SPECC1L: variants seen among roughly 807,000 people sequenced by gnomAD.
SPECC1L encodes cytospin-A.
Under a neutral mutation model 116.8 loss-of-function variants are expected in SPECC1L, and 40 were observed. The ratio of observed to expected loss-of-function variants is 0.34; its 90% CI spans 0.27 to 0.45. The LOEUF (loss-of-function observed/expected upper bound fraction) is 0.45, where lower values mean the gene tolerates loss of function less well. Among genes scored for constraint, SPECC1L ranks in the 20% least tolerant of loss-of-function variants. The pLI, the probability that SPECC1L is intolerant of heterozygous loss-of-function variation, is 1.00. For synonymous variants in SPECC1L, 504 were observed against 500.6 expected (o/e 1.01, Z -0.09); for missense variants, 1,110 against 1,373.6 (o/e 0.81, Z 3.03).
chr22:24,377,724 A>G (rs1273687195), intron 14 of SPECC1L, among the ~76,000 whole-genome samples: 1 of 152,228 alleles, frequency 6.6e-6, no homozygotes, highest in Admixed American at 6.5e-5. Context: ...TATCATCATT[A>G]GAGCTCCTGG....
intron 4 of SPECC1L, among the ~76,000 whole-genome samples, chr22:24,316,935 G>C (rs1393881702): frequency 8.4e-6 from 1 of 119,290 alleles, no homozygotes; most frequent in Non-Finnish European, 1.9e-5. Flanking sequence ...CCTCCCAGAC[G>C]GGGCGGCTGG....
chr22:24,312,063 G>A lies in SPECC1L; in HGVS notation c.154-1250G>A, dbSNP rs530410987. On this transcript the variant is annotated intron_variant, in intron 3 of 16. Coordinates refer to ENST00000314328, the MANE Select transcript of SPECC1L (RefSeq NM_015330.6). Reference sequence around the variant, plus strand: ...AGCTCAGTGCAGCTTTGACCTCCCGGGCTCAAGCGATCCTCTCACTTCAAC... The same window carrying A: ...AGCTCAGTGCAGCTTTGACCTCCCGAGCTCAAGCGATCCTCTCACTTCAAC... Among the ~76,000 whole-genome samples, 16 of 151,984 alleles carry A rather than the reference G, an allele frequency of 1.1e-4. 1 individual carries two copies. Among genetic ancestry groups the A allele is most frequent in the Non-Finnish European group, 1.0e-4 (7 of 68,016 alleles).
At chr22:24,375,617 G>A (rs1486872890) in intron 14 of SPECC1L, among the ~76,000 whole-genome samples, 1 of 152,128 alleles carries the variant, frequency 6.6e-6, no homozygotes, top group Non-Finnish European at 1.5e-5. Flanking sequence ...TTAAAAACTA[G>A]GAATAAAAGG....
chr22:24,272,893 G>A (rs2048757981), intron 1 of SPECC1L, among the ~76,000 whole-genome samples: 1 of 152,152 alleles, frequency 6.6e-6, no homozygotes, highest in Admixed American at 6.5e-5. Context: ...GATAGCTGGA[G>A]AATGCTTCCT....
At chr22:24,359,621 C>T (rs551604557) in intron 11 of SPECC1L, among the ~76,000 whole-genome samples, 75 of 152,008 alleles carry the variant, frequency 4.9e-4, no homozygotes, top group Non-Finnish European at 9.4e-4. Flanking sequence ...CTGGAGTTTG[C>T]CTGCGTGACT....
chr22:24,407,700 C>A (rs568547085), intron 14 of SPECC1L, among the ~76,000 whole-genome samples: 16 of 152,296 alleles, frequency 1.1e-4, no homozygotes, highest in African/African-American at 3.8e-4. Flanking sequence ...GCACTTAGTC[C>A]CTTAGACCTG....
chr22:24,410,237 T>G (rs1427098505), intron 14 of SPECC1L, among the ~76,000 whole-genome samples: 6 of 152,172 alleles, frequency 3.9e-5, no homozygotes, highest in Non-Finnish European at 7.4e-5. Context: ...GGCACAGTCA[T>G]ACCATGCTGC....
chr22:24,340,140 C>CTTTT lies in SPECC1L; in HGVS notation c.2652+1686_2652+1689dup, dbSNP rs765402107. ...AATACTGTTCCACCAATTTAATGAC[C>CTTTT]TTTTTTTTTTTTTTTTTTTTTTTTT... On this transcript the variant is annotated intron_variant, in intron 10 of 16. Coordinates refer to ENST00000314328, the MANE Select transcript of SPECC1L (RefSeq NM_015330.6). Among the ~76,000 whole-genome samples the CTTTT allele has an allele frequency of 2.0e-3, 215 of 105,140 alleles. 15 individuals carry two copies. The highest frequency in any genetic ancestry group is 4.6e-3 in the African/African-American group (99 of 21,730). 69.0% of individuals were successfully genotyped at this position (105,140 alleles called of 152,430 possible). A position where few individuals can be genotyped will look rare whatever the true frequency, so the allele number is the denominator to read the frequency against.
At chr22:24,341,596 CT>C (rs2041178007) in intron 10 of SPECC1L, among the ~76,000 whole-genome samples, 1 of 152,198 alleles carries the variant, frequency 6.6e-6, no homozygotes, top group Admixed American at 6.5e-5. Context: ...AGTAGGCAGC[CT>C]CTAAAATGTT....
chr22:24,395,736 C>A (rs1287041546), intron 14 of SPECC1L, among the ~76,000 whole-genome samples: 1 of 152,146 alleles, frequency 6.6e-6, no homozygotes, highest in East Asian at 1.9e-4. Flanking sequence ...CTCCCAGTTT[C>A]AAGCAATTCT....
intron 14 of SPECC1L, among the ~76,000 whole-genome samples, chr22:24,382,371 A>G (rs1206412961): frequency 6.6e-6 from 1 of 152,148 alleles, no homozygotes; most frequent in East Asian, 1.9e-4. Context: ...TAAGGCAGCC[A>G]AGATGTTGAG....
chr22:24,411,366 G>A (rs1030339249), intron 14 of SPECC1L, among the ~76,000 whole-genome samples: 2 of 152,206 alleles, frequency 1.3e-5, no homozygotes, highest in African/African-American at 4.8e-5. Context: ...TGTTATACCA[G>A]GCCCAGGCGT....
At chr22:24,273,099 A>G (rs1425956433) in intron 1 of SPECC1L, among the ~76,000 whole-genome samples, 1 of 152,246 alleles carries the variant, frequency 6.6e-6, no homozygotes, top group Admixed American at 6.5e-5. Flanking sequence ...TTGTATCAAA[A>G]TTTCTGTTTC....
At chr22:24,364,093 G>A (rs2041699918) in intron 12 of SPECC1L, among the ~76,000 whole-genome samples, 2 of 152,028 alleles carry the variant, frequency 1.3e-5, no homozygotes, top group African/African-American at 4.8e-5. Context: ...GAACTTTGTC[G>A]ACTATGTGAC....
At chr22:24,277,449 A>G (rs1249176227) in intron 2 of SPECC1L, among the ~76,000 whole-genome samples, 6 of 152,186 alleles carry the variant, frequency 3.9e-5, no homozygotes, top group Non-Finnish European at 8.8e-5. Context: ...TATATTCACA[A>G]AGTTATGCAT....
intron 3 of SPECC1L, among the ~76,000 whole-genome samples, chr22:24,303,269 T>G (rs969221096): frequency 9.2e-5 from 14 of 152,312 alleles, no homozygotes; most frequent in African/African-American, 3.1e-4. Context: ...ATTCTAAGGT[T>G]GTTGGAACTG....
In SPECC1L at chr22:24,369,260, T is replaced by C. The variant is rs1569438499; in HGVS notation, c.3027T>C (p.Tyr1009=). 3.7e-6 allele frequency: 6 copies of C among 1,614,186 alleles called. No homozygotes were observed. Among genetic ancestry groups the C allele is most frequent in the South Asian group, 2.2e-5 (2 of 91,084 alleles). The change falls in exon 14 of 17, where the codon TAT becomes TAC. Residue 1009 remains tyrosine (Y), a synonymous_variant. Coordinates refer to ENST00000314328, the MANE Select transcript of SPECC1L (RefSeq NM_015330.6). ...KDPLSALARE[Y]GGSKRNALLK... ...CTCTCTCAGCATTGGCCAGAGAATA[T>C]GGAGGATCAAAGAGGAACGCCTTGC...
chr22:24,283,148 G>C (rs2048977696), intron 2 of SPECC1L, among the ~76,000 whole-genome samples: 1 of 151,240 alleles, frequency 6.6e-6, no homozygotes, highest in South Asian at 2.1e-4. Context: ...GTTCTACCTC[G>C]GCTCACTGCA....
chr22:24,412,818 A>G, intron 16 of SPECC1L, 111 bp downstream of exon 16: 1 of 1,199,384 alleles, frequency 8.3e-7, no homozygotes, highest in Non-Finnish European at 1.2e-6. Flanking sequence ...GCTGCCTGGT[A>G]AAAGGCAGCT....
Sources: gnomAD v4.1 joint callset for allele counts (sites outside exome capture counted in the v4.1 genomes callset) on GRCh38, gnomAD v4.1.1 for gene constraint, MANE v1.5 for transcripts, NCBI Gene and HGNC (gene_info 2026-07-23, HGNC 2026-07-21) for gene names.